The following EDIL3 variants were observed in gnomAD, a reference collection of about 807,000 sequenced individuals.
EDIL3 encodes the protein EGF-like repeat and discoidin I-like domain-containing protein 3.
In EDIL3, 37 loss-of-function variants were observed where a neutral mutation model predicts 67.4. The observed-to-expected ratio is 0.55, with a 90% CI of 0.42 to 0.72. EDIL3 has a LOEUF of 0.72. Ranked by LOEUF, EDIL3 falls within the 30% of genes least tolerant of loss-of-function variation. The probability of loss-of-function intolerance (pLI) is 0.00; values close to 1 mark genes in which losing one functional copy is unlikely to be tolerated. For missense variants in EDIL3, 527 were observed against 586.3 expected (o/e 0.90, Z 1.04); for synonymous variants, 195 against 196.3 (o/e 0.99, Z 0.05).
chr5:84,115,046 C>T (rs1479963637), intron 5 of EDIL3, among the ~76,000 whole-genome samples: 1 of 152,106 alleles, frequency 6.6e-6, no homozygotes, highest in Non-Finnish European at 1.5e-5. Context: ...TAAACTAAAA[C>T]AAATCATTGC....
chr5:84,033,364 G>C (rs553528055), intron 9 of EDIL3, among the ~76,000 whole-genome samples: 1 of 151,668 alleles, frequency 6.6e-6, no homozygotes, highest in Non-Finnish European at 1.5e-5. Flanking sequence ...TTTTTCTAAC[G>C]TAACTTCAAA....
chr5:84,235,359 A>G (rs1744658666), intron 2 of EDIL3, among the ~76,000 whole-genome samples: 1 of 152,184 alleles, frequency 6.6e-6, no homozygotes, highest in African/African-American at 2.4e-5. Flanking sequence ...TGCATAGAAA[A>G]TGCTTGAATA....
At chr5:84,286,360 G>C (rs1644964003) in intron 1 of EDIL3, among the ~76,000 whole-genome samples, 1 of 152,146 alleles carries the variant, frequency 6.6e-6, no homozygotes, top group Admixed American at 6.6e-5. Flanking sequence ...ACGTGAAAGA[G>C]CAGAAGATTT....
intron 9 of EDIL3, among the ~76,000 whole-genome samples, chr5:84,016,142 T>A (rs1487626210): frequency 6.6e-6 from 1 of 152,196 alleles, no homozygotes; most frequent in Admixed American, 6.6e-5. Flanking sequence ...GAACATGTGG[T>A]ACTTGGTTTT....
rs2112241635 is a variant in EDIL3 at position 84,066,625 on chromosome 5, C to T, written c.652-19G>A. On this transcript the variant is annotated intron_variant, in intron 6 of 10. Coordinates refer to ENST00000296591, the MANE Select transcript of EDIL3 (RefSeq NM_005711.5). ...AATTTATCTGAAAAGACGAGCACAACCAACAATAATCTTATTGTTTTCAGG... is the reference window on the plus strand; with the variant it reads ...AATTTATCTGAAAAGACGAGCACAATCAACAATAATCTTATTGTTTTCAGG... 4 of 1,608,548 alleles carry T rather than the reference C, an allele frequency of 2.5e-6. 1 individual carries two copies. In the South Asian group the frequency reaches 3.4e-5, roughly 14 times the overall value.
chr5:84,114,838 A>G (rs1203755491), intron 5 of EDIL3, among the ~76,000 whole-genome samples: 1 of 152,132 alleles, frequency 6.6e-6, no homozygotes, highest in Non-Finnish European at 1.5e-5. Context: ...ATTACGACCT[A>G]TATTCTATTA....
intron 3 of EDIL3, among the ~76,000 whole-genome samples, chr5:84,212,715 C>T (rs943016308): frequency 3.3e-5 from 5 of 152,050 alleles, no homozygotes; most frequent in African/African-American, 1.2e-4. Flanking sequence ...TGGATTAAAG[C>T]TTTGGGGTGA....
intron 5 of EDIL3, among the ~76,000 whole-genome samples, chr5:84,123,593 T>G (rs2112301249): frequency 6.6e-6 from 1 of 152,092 alleles, no homozygotes; most frequent in East Asian, 1.9e-4. Context: ...TTTGAAAAGT[T>G]AGTTTTAACT....
At chr5:84,119,218 T>G (rs1232959762) in intron 5 of EDIL3, among the ~76,000 whole-genome samples, 1 of 145,244 alleles carries the variant, frequency 6.9e-6, no homozygotes, top group Non-Finnish European at 1.5e-5. Flanking sequence ...TTTGGTTTTT[T>G]TTTTTTTTTT....
At chr5:84,296,179 A>G (rs1287355164) in intron 1 of EDIL3, among the ~76,000 whole-genome samples, 1 of 152,198 alleles carries the variant, frequency 6.6e-6, no homozygotes, top group Admixed American at 6.5e-5. Context: ...GTTGTTACAG[A>G]AAAGTTACTA....
At chr5:84,371,355 A>G (rs1019520478) in intron 1 of EDIL3, among the ~76,000 whole-genome samples, 113 of 142,518 alleles carry the variant, frequency 7.9e-4, no homozygotes, top group African/African-American at 2.7e-3. Context: ...GTGTGTGTAT[A>G]TATATGTGTG....
intron 9 of EDIL3, among the ~76,000 whole-genome samples, chr5:84,030,544 C>T (rs1745901559): frequency 6.6e-6 from 1 of 152,146 alleles, no homozygotes; most frequent in African/African-American, 2.4e-5. Context: ...TCTGTTTATT[C>T]CTAGGGCTGT....
chr5:84,103,034 G>A (rs888736790), intron 6 of EDIL3, among the ~76,000 whole-genome samples: 6 of 151,964 alleles, frequency 3.9e-5, no homozygotes, highest in African/African-American at 1.4e-4. Context: ...ATATTCCAAT[G>A]GAACAGAATT....
At chr5:84,154,757 TG>T (rs1162933939) in intron 4 of EDIL3, among the ~76,000 whole-genome samples, 1 of 147,842 alleles carries the variant, frequency 6.8e-6, no homozygotes, top group Non-Finnish European at 1.5e-5. Flanking sequence ...TGAAGTGCTG[TG>T]GCCGGATCTC....
chr5:84,105,414 T>A (rs1445097106), intron 6 of EDIL3, among the ~76,000 whole-genome samples: 1 of 152,048 alleles, frequency 6.6e-6, no homozygotes, highest in Non-Finnish European at 1.5e-5. Context: ...ACAAAGAAAG[T>A]ATCTGAAGGA....
At chr5:84,128,236 C>T (rs944667894) in intron 5 of EDIL3, among the ~76,000 whole-genome samples, 2 of 152,062 alleles carry the variant, frequency 1.3e-5, no homozygotes, top group South Asian at 2.1e-4. Flanking sequence ...GGAAATCATG[C>T]CATCGTTTGA....
chr5:83,971,248 T>TTA (rs1744786095), intron 9 of EDIL3, among the ~76,000 whole-genome samples: 2 of 151,364 alleles, frequency 1.3e-5, no homozygotes, highest in Non-Finnish European at 2.9e-5. Flanking sequence ...ACTCCTCTAT[T>TTA]ATGTCATAAA....
intron 10 of EDIL3, among the ~76,000 whole-genome samples, chr5:83,954,988 C>T (rs774546720): frequency 6.6e-5 from 10 of 151,816 alleles, no homozygotes; most frequent in African/African-American, 2.2e-4. Context: ...GGGAGCTAAT[C>T]GCTAATCAAT....
rs558216238 is a variant in EDIL3, at chr5:84,178,460, G to A, written c.355+1933C>T. On this transcript the variant is annotated intron_variant, in intron 4 of 10. Transcript: ENST00000296591. ...TTTCCTAGCTGAAGAAGCTTCCAGGGCCCCTAGCACTTCTATAGCTGCTTT... is the reference window on the plus strand; with the variant it reads ...TTTCCTAGCTGAAGAAGCTTCCAGGACCCCTAGCACTTCTATAGCTGCTTT... Among the ~76,000 whole-genome samples the A allele has an allele frequency of 4.6e-5, 7 of 152,186 alleles. No individual in the cohort carries two copies. In the East Asian group the frequency reaches 1.4e-3, roughly 29 times the overall value.
Sources: gnomAD v4.1 joint callset for allele counts (sites outside exome capture counted in the v4.1 genomes callset) on GRCh38, gnomAD v4.1.1 for gene constraint, MANE v1.5 for transcripts, NCBI Gene and HGNC (gene_info 2026-07-23, HGNC 2026-07-21) for gene names.